NKD1: variants seen among roughly 807,000 people sequenced by gnomAD.
The protein encoded by NKD1 is protein naked cuticle homolog 1.
In NKD1, 21 loss-of-function variants were observed where a neutral mutation model predicts 56.0. The ratio of observed to expected loss-of-function variants is 0.38; its 90% CI spans 0.27 to 0.54. The LOEUF (loss-of-function observed/expected upper bound fraction) is 0.54, where lower values mean the gene tolerates loss of function less well. NKD1 is among the 20% of genes least tolerant of loss of function. NKD1 has a pLI of 0.82. For missense variants in NKD1, 578 were observed against 642.7 expected, an observed-to-expected ratio of 0.90 and a Z score of 1.09; for synonymous variants, 263 against 265.7, an observed-to-expected ratio of 0.99 and a Z score of 0.10.
intron 3 of NKD1, among the ~76,000 whole-genome samples, chr16:50,595,559 C>T (rs547234761): frequency 1.3e-5 from 2 of 152,134 alleles, no homozygotes; most frequent in African/African-American, 4.8e-5. Context: ...GCCTTCCTCT[C>T]GGGAGTGCTC....
chr16:50,549,540 A>C lies in NKD1; in HGVS notation c.177A>C (p.Ile59=). ...GPRQLRLAGT[I]GRSTRELVGD... ...GACAGCTGCGGTTGGCGGGCACCAT[A>C]GGCCGAAGCACCCGGGTATGATTCC... is the stretch of plus-strand genomic sequence containing the variant. The change falls in exon 3 of 10, where the codon ATA becomes ATC. Residue 59 remains isoleucine (I), a synonymous_variant. Transcript: ENST00000268459. 6.3e-7 allele frequency: 1 copy of C among 1,597,320 alleles called. No individual in the cohort carries two copies. Among genetic ancestry groups the C allele is most frequent in the Non-Finnish European group, 8.5e-7 (1 of 1,170,840 alleles).
At chr16:50,597,631 C>T (rs28743150) in intron 3 of NKD1, among the ~76,000 whole-genome samples, 11,153 of 152,156 alleles carry the variant, frequency 0.073, 608 homozygotes, top group African/African-American at 0.15. Flanking sequence ...AGCACAGGAG[C>T]GGACTAGGCT....
chr16:50,632,289 G>T lies in NKD1; in HGVS notation c.704G>T (p.Gly235Val). ...KKQRAPLRFQ[G>V]DSRLEQSGCY... is the part of the protein sequence containing the mutation. ...TGCCTCCCCTGCCGTAGGTTCCAGG[G>T]TGACAGCCGCCTGGAGCAGTCTGGC... is the stretch of plus-strand genomic sequence containing the variant. Residue 235 changes from glycine to valine, a missense_variant, in exon 9 of 10, where the codon GGT becomes GTT. Transcript: ENST00000268459. The surrounding 1 kb of genome is among the most constrained non-coding windows in gnomAD (Gnocchi z 4.1). The T allele has an allele frequency of 6.2e-7, 1 of 1,614,142 alleles. No homozygotes were observed. The highest frequency in any genetic ancestry group is 2.2e-5 in the East Asian group (1 of 44,882).
At chr16:50,576,464 T>C (rs1209795714) in intron 3 of NKD1, among the ~76,000 whole-genome samples, 2 of 152,230 alleles carry the variant, frequency 1.3e-5, no homozygotes, top group Non-Finnish European at 2.9e-5. Context: ...ATGGTGATTG[T>C]TCAGAAGTGG....
chr16:50,629,564 A>G (rs1962297820), intron 6 of NKD1, among the ~76,000 whole-genome samples: 1 of 152,164 alleles, frequency 6.6e-6, no homozygotes, highest in African/African-American at 2.4e-5. Flanking sequence ...CTCAGGTACA[A>G]GGAGTTGGCT....
chr16:50,626,579 A>G (rs780288697), intron 6 of NKD1, among the ~76,000 whole-genome samples: 3 of 152,210 alleles, frequency 2.0e-5, no homozygotes, highest in Non-Finnish European at 4.4e-5. Context: ...GTGGTGGCCA[A>G]TCAGCAGAAG....
chr16:50,622,397 C>G (rs1962113306), intron 5 of NKD1, among the ~76,000 whole-genome samples: 1 of 151,740 alleles, frequency 6.6e-6, no homozygotes, highest in Non-Finnish European at 1.5e-5. Flanking sequence ...GTGTAGCACG[C>G]TCCTGTGCCC....
intron 3 of NKD1, among the ~76,000 whole-genome samples, chr16:50,565,108 G>T (rs1418615483): frequency 1.3e-5 from 2 of 152,230 alleles, no homozygotes; most frequent in East Asian, 3.8e-4. Context: ...GGGTGTGGTG[G>T]CTCATGCCTG....
chr16:50,591,788 C>T (rs536978542), intron 3 of NKD1, among the ~76,000 whole-genome samples: 9 of 152,330 alleles, frequency 5.9e-5, no homozygotes, highest in African/African-American at 1.7e-4. Flanking sequence ...ATAAAATGAG[C>T]GTGCGCCACC....
Position 50,548,494 on chromosome 16 carries a change from C to T in NKD1, c.-60C>T. 1.5e-6 allele frequency: 2 copies of T among 1,354,886 alleles called. No individual in the cohort carries two copies. Among genetic ancestry groups the T allele is most frequent in the Non-Finnish European group, 1.9e-6 (2 of 1,043,036 alleles). The allele number at this position is 1,354,886 out of a possible 1,614,324, so 83.9% of individuals were successfully genotyped here. A position where few individuals can be genotyped will look rare whatever the true frequency, so the allele number is the denominator to read the frequency against. On this transcript the variant is annotated 5_prime_UTR_variant, in exon 1 of 10. Coordinates refer to ENST00000268459, the MANE Select transcript of NKD1 (RefSeq NM_033119.5). ...TCGGGAGGAGGAGAGCCAAGGGAGG[C>T]GCCAGGCCCGCGGGCCGGGCGCATG...
chr16:50,569,121 G>A (rs371062166), intron 3 of NKD1, among the ~76,000 whole-genome samples: 6 of 152,198 alleles, frequency 3.9e-5, no homozygotes, highest in African/African-American at 7.2e-5. Flanking sequence ...GGTGCCCAGC[G>A]CCTTCTGATA....
At chr16:50,582,384 AG>A (rs1961136592) in intron 3 of NKD1, among the ~76,000 whole-genome samples, 1 of 152,168 alleles carries the variant, frequency 6.6e-6, no homozygotes, top group Admixed American at 6.5e-5. Flanking sequence ...GGACCCTCCC[AG>A]GGGAGTCTGG....
chr16:50,562,348 A>G, intron 3 of NKD1: 1 of 800,280 alleles, frequency 1.2e-6, no homozygotes, highest in Non-Finnish European at 1.5e-6. Context: ...GGAAGGGTAC[A>G]CTGTCAAGGA....
Position 50,632,350 on chromosome 16 carries a change from G to C in NKD1, c.765G>C (p.Arg255Ser). 1 of 1,614,158 alleles carries C rather than the reference G, an allele frequency of 6.2e-7. No individual in the cohort carries two copies. The highest frequency in any genetic ancestry group is 8.5e-7 in the Non-Finnish European group (1 of 1,180,006). The change falls in exon 9 of 10, where the codon AGG becomes AGC. Residue 255 changes from arginine (R) to serine (S), a missense_variant. Transcript: ENST00000268459. This position sits in a 1 kb window ranked among gnomAD's most constrained non-coding sequence, Gnocchi z 4.1. Reference sequence around the variant, plus strand: ...ATTGCGTAGATGAGAACATCGAGAGGAGAAACCACTACTTAGATCTCGCCG... The same window carrying C: ...ATTGCGTAGATGAGAACATCGAGAGCAGAAACCACTACTTAGATCTCGCCG... ...YHHCVDENIE[R>S]RNHYLDLAGI...
Position 50,598,260 on chromosome 16 carries a change from T to TGCGCGCGCGC in NKD1, c.193-10033_193-10032insCGCGCGCGCG, listed in dbSNP as rs981622233. Among the ~76,000 whole-genome samples, 23 of 138,058 alleles carry TGCGCGCGCGC rather than the reference T, an allele frequency of 1.7e-4. No individual in the cohort carries two copies. The highest frequency in any genetic ancestry group is 6.7e-4 in the African/African-American group (22 of 33,042). The allele number at this position is 138,058 out of a possible 152,430, so 90.6% of individuals were successfully genotyped here. ...GTGTGTGTGTGTGTGTGTGTGTGTG[T>TGCGCGCGCGC]GTGCGCGCACACCTGTGCTCATGGA... On this transcript the variant is annotated intron_variant, in intron 3 of 9. Coordinates refer to ENST00000268459, the MANE Select transcript of NKD1 (RefSeq NM_033119.5). This position sits in a 1 kb window ranked among gnomAD's most constrained non-coding sequence, Gnocchi z 4.2.
At chr16:50,585,719 T>C (rs575428987) in intron 3 of NKD1, among the ~76,000 whole-genome samples, 1 of 152,332 alleles carries the variant, frequency 6.6e-6, no homozygotes. Flanking sequence ...CTGGACACTG[T>C]GCTCTGTGAC....
chr16:50,575,138 T>G, intron 3 of NKD1: 1 of 985,060 alleles, frequency 1.0e-6, no homozygotes, highest in Non-Finnish European at 1.2e-6. Flanking sequence ...ATTCTAAGAT[T>G]TATTAGATTC....
In NKD1 at chr16:50,572,631, G is replaced by A. The variant is rs182433652; in HGVS notation, c.192+23076G>A. Among the ~76,000 whole-genome samples the A allele has an allele frequency of 8.5e-5, 13 of 152,286 alleles. No individual in the cohort carries two copies. In the East Asian group the frequency reaches 2.5e-3, roughly 29 times the overall value. ...CGGCAGATTGGTGAGAAGGGGTTCA[G>A]GGGATCTGCTGTGGGACTCTGGGAA... On this transcript the variant is annotated intron_variant, in intron 3 of 9. Coordinates refer to ENST00000268459, the MANE Select transcript of NKD1 (RefSeq NM_033119.5).
intron 3 of NKD1, among the ~76,000 whole-genome samples, chr16:50,559,921 A>G (rs1406452011): frequency 1.3e-5 from 2 of 152,040 alleles, no homozygotes; most frequent in Non-Finnish European, 2.9e-5. Context: ...AGGCCGGAGG[A>G]TGTTTTTCTA....
Sources: gnomAD v4.1 joint callset for allele counts (sites outside exome capture counted in the v4.1 genomes callset) on GRCh38, gnomAD v4.1.1 for gene constraint, Gnocchi (gnomAD v3.1) non-coding constraint, MANE v1.5 for transcripts, NCBI Gene and HGNC (gene_info 2026-07-23, HGNC 2026-07-21) for gene names.